The following RGS6 variants were observed in gnomAD, a reference collection of about 807,000 sequenced individuals.
RGS6 encodes regulator of G-protein signaling 6.
A neutral mutation model predicts 78.5 loss-of-function variants in RGS6; 30 were observed. The ratio of observed to expected loss-of-function variants is 0.38; its 90% confidence interval spans 0.29 to 0.52. The LOEUF is 0.52. RGS6 is among the 20% of genes least tolerant of loss of function. The probability of loss-of-function intolerance (pLI) is 0.85; values close to 1 mark genes in which losing one functional copy is unlikely to be tolerated. For synonymous variants in RGS6, 206 were observed against 206.0 expected, an observed-to-expected ratio of 1.00 and a Z score of 0.00; for missense variants, 495 against 609.7, an observed-to-expected ratio of 0.81 and a Z score of 1.98.
At chr14:72,454,482 T>C in intron 3 of RGS6, 46 bp from the exon 4 acceptor site, 1 of 1,583,798 alleles carries the variant, frequency 6.3e-7, no homozygotes, top group Non-Finnish European at 8.7e-7. Flanking sequence ...TGCCACAGTG[T>C]TAAACACCCA....
chr14:72,357,119 A>T (rs529756456), intron 3 of RGS6, among the ~76,000 whole-genome samples: 21 of 152,154 alleles, frequency 1.4e-4, no homozygotes, highest in Non-Finnish European at 2.6e-4. Context: ...AAAAGTACAA[A>T]AATTAGCTCA....
intron 3 of RGS6, among the ~76,000 whole-genome samples, chr14:72,418,599 C>T (rs186829172): frequency 7.2e-5 from 11 of 152,180 alleles, no homozygotes; most frequent in Non-Finnish European, 1.2e-4. Context: ...CTGAGCAGGC[C>T]CAATGATGGA....
intron 2 of RGS6, among the ~76,000 whole-genome samples, chr14:72,064,549 C>T (rs1381227737): frequency 6.6e-6 from 1 of 152,232 alleles, no homozygotes; most frequent in African/African-American, 2.4e-5. Context: ...TCTGTGTCTT[C>T]ACCCACAAAA....
chr14:71,928,281 A>G (rs1315316855), upstream of RGS6, among the ~76,000 whole-genome samples: 1 of 152,248 alleles, frequency 6.6e-6, no homozygotes, highest in African/African-American at 2.4e-5. Context: ...ATTTTCTTTC[A>G]GGATTTAACA....
chr14:72,164,641 G>A (rs2096900250), intron 2 of RGS6, among the ~76,000 whole-genome samples: 1 of 152,198 alleles, frequency 6.6e-6, no homozygotes, highest in African/African-American at 2.4e-5. Flanking sequence ...GTGGCAGGGT[G>A]CAGTTATGTG....
At chr14:72,136,418 G>T (rs2096442401) in intron 2 of RGS6, among the ~76,000 whole-genome samples, 2 of 152,162 alleles carry the variant, frequency 1.3e-5, no homozygotes, top group Admixed American at 6.6e-5. Flanking sequence ...TAATTTAAAA[G>T]GAAAGAGGTT....
At chr14:72,280,934 T>C (rs1239711673) in intron 2 of RGS6, among the ~76,000 whole-genome samples, 1 of 152,168 alleles carries the variant, frequency 6.6e-6, no homozygotes, top group African/African-American at 2.4e-5. Flanking sequence ...TAGAATACAT[T>C]ATCTCATGTG....
At chr14:72,418,765 TA>T (rs34273723) in intron 3 of RGS6, among the ~76,000 whole-genome samples, 1,866 of 152,250 alleles carry the variant, frequency 0.012, 17 homozygotes, top group Non-Finnish European at 0.019. Context: ...TCGCAGCAGA[TA>T]AAAAGACAAA....
intron 2 of RGS6, among the ~76,000 whole-genome samples, chr14:72,345,846 T>G (rs1303089398): frequency 6.6e-6 from 1 of 152,218 alleles, no homozygotes; most frequent in Admixed American, 6.5e-5. Context: ...GCATTGTGTC[T>G]TTAAAAATAA....
intron 3 of RGS6, among the ~76,000 whole-genome samples, chr14:72,366,615 G>T (rs1282736570): frequency 1.3e-5 from 2 of 152,114 alleles, no homozygotes; most frequent in Non-Finnish European, 2.9e-5. Context: ...TCTGAGCAAG[G>T]TGCCCACAGA....
chr14:71,871,370 G>A, the RGS6 span, among the ~76,000 whole-genome samples: 41 of 152,276 alleles, frequency 2.7e-4, no homozygotes, highest in Middle Eastern at 3.4e-3. Flanking sequence ...ACTGCCTCCC[G>A]AGGTTACATA....
At chr14:72,616,876 C>G in the RGS6 span, among the ~76,000 whole-genome samples, 1 of 152,212 alleles carries the variant, frequency 6.6e-6, no homozygotes, top group Non-Finnish European at 1.5e-5. Flanking sequence ...TTGTAGTACC[C>G]TGACAGTGCC....
At chr14:72,327,840 G>A (rs917717279) in intron 2 of RGS6, among the ~76,000 whole-genome samples, 2 of 152,202 alleles carry the variant, frequency 1.3e-5, no homozygotes, top group African/African-American at 4.8e-5. Flanking sequence ...ATAGCTCACA[G>A]AGGTGCTGTA....
At chr14:71,951,065 C>T (rs1313831015) in intron 1 of RGS6, among the ~76,000 whole-genome samples, 1 of 152,044 alleles carries the variant, frequency 6.6e-6, no homozygotes, top group Non-Finnish European at 1.5e-5. Flanking sequence ...GGGTATCAAC[C>T]TAAAGGAATA....
intron 3 of RGS6, among the ~76,000 whole-genome samples, chr14:72,417,480 CT>C (rs961576501): frequency 5.9e-5 from 9 of 151,776 alleles, no homozygotes; most frequent in African/African-American, 1.2e-4. Flanking sequence ...TTTGGGCCGT[CT>C]TTTTTTTTCC....
At chr14:72,136,720 A>G (rs995799466) in intron 2 of RGS6, among the ~76,000 whole-genome samples, 1 of 152,176 alleles carries the variant, frequency 6.6e-6, no homozygotes, top group Non-Finnish European at 1.5e-5. Context: ...AACCATATCA[A>G]AACTTAATCA....
intron 2 of RGS6, among the ~76,000 whole-genome samples, chr14:72,044,995 G>C (rs778763489): frequency 6.6e-6 from 1 of 152,240 alleles, no homozygotes; most frequent in African/African-American, 2.4e-5. Flanking sequence ...TGGACTGAGA[G>C]TTACATTGTT....
chr14:72,259,526 C>A (rs2057723204), intron 2 of RGS6, among the ~76,000 whole-genome samples: 2 of 152,118 alleles, frequency 1.3e-5, no homozygotes, highest in Non-Finnish European at 2.9e-5. Context: ...TGCTGGTACT[C>A]TGTACAATAT....
At chr14:72,154,463 A>G (rs2096741430) in intron 2 of RGS6, among the ~76,000 whole-genome samples, 1 of 152,212 alleles carries the variant, frequency 6.6e-6, no homozygotes, top group African/African-American at 2.4e-5. Flanking sequence ...TGAAATCTTC[A>G]CAATTTATGT....
Sources: gnomAD v4.1 joint callset for allele counts (sites outside exome capture counted in the v4.1 genomes callset) on GRCh38, gnomAD v4.1.1 for gene constraint, MANE v1.5 for transcripts, NCBI Gene and HGNC (gene_info 2026-07-23, HGNC 2026-07-21) for gene names.